AOAH: variants seen among roughly 807,000 people sequenced by gnomAD.
The protein encoded by AOAH is acyloxyacyl hydrolase, also known as acyloxyacyl hydrolase (neutrophil).
AOAH carries 64 observed loss-of-function variants against 92.2 expected under a neutral mutation model. The ratio of observed to expected loss-of-function variants is 0.69; its 90% CI spans 0.57 to 0.86. The LOEUF is 0.86. AOAH is among the 40% of genes least tolerant of loss of function. The pLI, the probability that AOAH is intolerant of heterozygous loss-of-function variation, is 0.00. For synonymous variants in AOAH, 263 were observed against 254.5 expected (o/e 1.03, Z -0.32); for missense variants, 656 against 694.6 (o/e 0.94, Z 0.62).
chr7:36,641,033 G>C (rs1483020201), intron 4 of AOAH, among the ~76,000 whole-genome samples: 1 of 152,156 alleles, frequency 6.6e-6, no homozygotes, highest in African/African-American at 2.4e-5. Flanking sequence ...CTTCTTAGGG[G>C]ACCTGCAGCT....
chr7:36,620,888 G>T, intron 8 of AOAH, 59 bp from the exon 9 acceptor site: 1 of 1,476,902 alleles, frequency 6.8e-7, no homozygotes, highest in Non-Finnish European at 9.4e-7. Context: ...GTGGATGTCA[G>T]TTTCATGCAT....
intron 19 of AOAH, among the ~76,000 whole-genome samples, chr7:36,530,067 T>G (rs925688151): frequency 2.6e-5 from 4 of 152,172 alleles, no homozygotes; most frequent in African/African-American, 9.7e-5. Context: ...CTCATTTCTG[T>G]CACATCCATC....
At chr7:36,594,213 T>G in intron 12 of AOAH, 126 bp downstream of exon 12, 1 of 762,854 alleles carries the variant, frequency 1.3e-6, no homozygotes, top group Non-Finnish European at 2.3e-6. Context: ...GTGGATGAAC[T>G]CAAATTCATG....
intron 3 of AOAH, among the ~76,000 whole-genome samples, chr7:36,665,788 CTG>C (rs1477131691): frequency 6.6e-6 from 1 of 151,884 alleles, no homozygotes; most frequent in East Asian, 1.9e-4. Flanking sequence ...AATGCTTTTT[CTG>C]TGTCTATTAA....
intron 3 of AOAH, among the ~76,000 whole-genome samples, chr7:36,665,449 T>C (rs940762169): frequency 6.6e-6 from 1 of 151,948 alleles, no homozygotes; most frequent in African/African-American, 2.4e-5. Context: ...TTTTTGCCGA[T>C]TCTTTTGGAT....
rs1046949471 is a variant in AOAH at position 36,535,909 on chromosome 7, A to G, written c.1307-3565T>C. 4.6e-5 allele frequency among the ~76,000 whole-genome samples: 7 copies of G among 152,182 alleles called. No homozygotes were observed. The East Asian group carries it at 1.2e-3, about 25-fold the overall frequency. Reference sequence around the variant, plus strand: ...AAGGACCCACATCAGTAGAATCCCAATGTATGAGGCTTGCTGTCTGGTAAT... The same window carrying G: ...AAGGACCCACATCAGTAGAATCCCAGTGTATGAGGCTTGCTGTCTGGTAAT... On this transcript the variant is annotated intron_variant, in intron 16 of 20. Transcript: ENST00000617537.
chr7:36,602,787 C>G (rs1790706591), intron 11 of AOAH, among the ~76,000 whole-genome samples: 1 of 152,122 alleles, frequency 6.6e-6, no homozygotes, highest in African/African-American at 2.4e-5. Context: ...CAGAAGAAGT[C>G]CAAGGTCAAG....
intron 16 of AOAH, among the ~76,000 whole-genome samples, chr7:36,535,069 C>CGTGT (rs1227577288): frequency 7.4e-5 from 2 of 26,864 alleles, no homozygotes; most frequent in African/African-American, 2.8e-4. Flanking sequence ...TGTGTGTATC[C>CGTGT]GTGTGTGTCT....
At chr7:36,619,423 T>A (rs1446450018) in intron 9 of AOAH, among the ~76,000 whole-genome samples, 1 of 152,184 alleles carries the variant, frequency 6.6e-6, no homozygotes, top group East Asian at 1.9e-4. Flanking sequence ...TTCCTCCTTA[T>A]ATGGGTGACA....
chr7:36,604,586 G>A (rs957956510), intron 11 of AOAH, among the ~76,000 whole-genome samples: 10 of 152,160 alleles, frequency 6.6e-5, no homozygotes, highest in Non-Finnish European at 8.8e-5. Context: ...TGCCACCATC[G>A]TGCCAACTTC....
At chr7:36,633,425 T>C (rs1793281329) in intron 5 of AOAH, among the ~76,000 whole-genome samples, 1 of 152,176 alleles carries the variant, frequency 6.6e-6, no homozygotes, top group Admixed American at 6.5e-5. Flanking sequence ...TCTTGGGCCC[T>C]GCTGCAGACC....
chr7:36,517,188 T>C (rs538576911), intron 20 of AOAH, among the ~76,000 whole-genome samples: 12 of 64,560 alleles, frequency 1.9e-4, no homozygotes, highest in Admixed American at 4.2e-4. Context: ...CTTTCTTTCT[T>C]TCTTTCTTTC....
chr7:36,683,168 G>A (rs1295465883), intron 2 of AOAH, among the ~76,000 whole-genome samples: 1 of 152,118 alleles, frequency 6.6e-6, no homozygotes, highest in Non-Finnish European at 1.5e-5. Flanking sequence ...AGATGCTCAG[G>A]GAAAGACATC....
intron 1 of AOAH, 95 bp from the exon 2 acceptor site, chr7:36,686,889 TG>T: frequency 1.5e-6 from 1 of 677,290 alleles, no homozygotes; most frequent in Admixed American, 3.4e-5. Flanking sequence ...TGTGTGTGTG[TG>T]TGTGTGTCCT....
chr7:36,689,632 C>T (rs1161492495), intron 1 of AOAH, among the ~76,000 whole-genome samples: 1 of 151,994 alleles, frequency 6.6e-6, no homozygotes. Context: ...CAGTCAAAAG[C>T]TAGGGAAGAT....
At chr7:36,705,547 G>A (rs945590892) in intron 1 of AOAH, among the ~76,000 whole-genome samples, 1 of 152,114 alleles carries the variant, frequency 6.6e-6, no homozygotes, top group African/African-American at 2.4e-5. Flanking sequence ...TCGTGAAAAT[G>A]GCCATACTGC....
At chr7:36,723,677 G>C (rs1338705273) in intron 1 of AOAH, among the ~76,000 whole-genome samples, 1 of 152,116 alleles carries the variant, frequency 6.6e-6, no homozygotes, top group Non-Finnish European at 1.5e-5. Flanking sequence ...TTCAAACTCA[G>C]ATGTGTTTAT....
intron 11 of AOAH, among the ~76,000 whole-genome samples, chr7:36,604,517 G>A (rs1481888122): frequency 2.6e-5 from 4 of 152,300 alleles, no homozygotes; most frequent in African/African-American, 7.2e-5. Context: ...CTCTGTTGCA[G>A]CCTGGTATGG....
At chr7:36,718,883 G>A (rs923331675) in intron 1 of AOAH, among the ~76,000 whole-genome samples, 1 of 152,144 alleles carries the variant, frequency 6.6e-6, no homozygotes, top group Admixed American at 6.5e-5. Flanking sequence ...CACAACTCAT[G>A]AATATACTAA....
Sources: gnomAD v4.1 joint callset for allele counts (sites outside exome capture counted in the v4.1 genomes callset) on GRCh38, gnomAD v4.1.1 for gene constraint, MANE v1.5 for transcripts, NCBI Gene and HGNC (gene_info 2026-07-23, HGNC 2026-07-21) for gene names.